CSNK2A1: variants seen among roughly 807,000 people sequenced by gnomAD.
The protein encoded by CSNK2A1 is casein kinase 2 alpha 1.
CSNK2A1 carries 10 observed loss-of-function variants against 62.9 expected under a neutral mutation model. The ratio of observed to expected loss-of-function variants is 0.16; its 90% confidence interval spans 0.10 to 0.27. The LOEUF is 0.27. Among genes scored for constraint, CSNK2A1 ranks in the 10% least tolerant of loss-of-function variants. CSNK2A1 has a pLI of 1.00. For synonymous variants in CSNK2A1, 124 were observed against 167.8 expected, an observed-to-expected ratio of 0.74 and a Z score of 2.02; for missense variants, 160 against 492.0, an observed-to-expected ratio of 0.33 and a Z score of 6.38.
At chr20:492,147 G>T in intron 9 of CSNK2A1, 107 bp downstream of exon 9, 1 of 773,626 alleles carries the variant, frequency 1.3e-6, no homozygotes, top group Non-Finnish European at 2.1e-6. Context: ...CTGTGAATGT[G>T]CATTAAGTGG....
chr20:514,541 G>A lies in CSNK2A1; in HGVS notation c.-109-5881C>T, dbSNP rs188878887. On this transcript the variant is annotated intron_variant, in intron 2 of 13. Coordinates refer to ENST00000217244, the MANE Select transcript of CSNK2A1 (RefSeq NM_177559.3). ...AACCTCCACCTCATCTCCTGGGCTT[G>A]AGCAATCCTCCCACCTCAGCCTCCT... 2.6e-3 allele frequency among the ~76,000 whole-genome samples: 388 copies of A among 151,968 alleles called. 1 individual carries two copies. Among genetic ancestry groups the A allele is most frequent in the African/African-American group, 9.0e-3 (372 of 41,470 alleles).
intron 4 of CSNK2A1, chr20:501,628 T>C (rs1168994023): frequency 1.3e-5 from 2 of 152,200 alleles, no homozygotes; most frequent in Non-Finnish European, 2.9e-5. Flanking sequence ...AGCCCAGCCA[T>C]ATTTCAAGTG....
At position 473,227 on chromosome 20, in the gene CSNK2A1, C is replaced by A. The variant is rs191762476; in HGVS notation, c.*10734G>T. ...GGGTCTTCTTCCCATACTCTTGTCT[C>A]TCTCCTGTAACATTTTTACTTCTAA... On this transcript the variant is annotated 3_prime_UTR_variant, in exon 14 of 14. Coordinates refer to ENST00000217244, the MANE Select transcript of CSNK2A1 (RefSeq NM_177559.3). 0.15 allele frequency: 22,488 copies of A among 152,316 alleles called. 2,196 individuals carry two copies. Among genetic ancestry groups the A allele is most frequent in the African/African-American group, 0.28 (11,746 of 41,414 alleles). 9.4% of individuals were successfully genotyped at this position (152,316 alleles called of 1,614,324 possible).
In CSNK2A1 at chr20:536,490, CAA is replaced by C. The variant is rs1393916933; in HGVS notation, c.-227+7180_-227+7181del. Reference sequence around the variant, plus strand: ...ATTCCCATGTTACAGGTGAAGAAACCAAAAGTTAGTAAGTTGCCCAAGGTAGT... The same window carrying C: ...ATTCCCATGTTACAGGTGAAGAAACCAAGTTAGTAAGTTGCCCAAGGTAGT... On this transcript the variant is annotated intron_variant, in intron 1 of 13. Transcript: ENST00000217244. 6.6e-5 allele frequency among the ~76,000 whole-genome samples: 10 copies of C among 152,124 alleles called. No individual in the cohort carries two copies. In the South Asian group the frequency reaches 2.1e-3, roughly 32 times the overall value.
At position 475,015 on chromosome 20, in the gene CSNK2A1, A is replaced by T. The variant is rs998068752; in HGVS notation, c.*8946T>A. On this transcript the variant is annotated 3_prime_UTR_variant, in exon 14 of 14. Transcript: ENST00000217244. ...TAAATGGAGAGTTTAACAAATAATT[A>T]TAGAGCAAATACAACATTTAGGTAC... 3 of 152,210 alleles carry T rather than the reference A, an allele frequency of 2.0e-5. No individual in the cohort carries two copies. The highest frequency in any genetic ancestry group is 7.2e-5 in the African/African-American group (3 of 41,444). The allele number at this position is 152,210 out of a possible 1,614,324, so 9.4% of individuals were successfully genotyped here. A position where few individuals can be genotyped will look rare whatever the true frequency, so the allele number is the denominator to read the frequency against.
intron 2 of CSNK2A1, among the ~76,000 whole-genome samples, chr20:518,801 C>T (rs1333869542): frequency 1.3e-5 from 2 of 151,424 alleles, no homozygotes; most frequent in African/African-American, 2.4e-5. Context: ...GTGATCCACC[C>T]GCCTTGGCCT....
At chr20:508,366 G>A (rs534401855) in intron 3 of CSNK2A1, 85 bp downstream of exon 3, 8 of 1,450,006 alleles carry the variant, frequency 5.5e-6, no homozygotes, top group Admixed American at 1.9e-5. Flanking sequence ...ACAGAGTCAC[G>A]GAGGTTTTCT....
At chr20:524,313 C>T (rs1266212874) in intron 2 of CSNK2A1, among the ~76,000 whole-genome samples, 1 of 150,196 alleles carries the variant, frequency 6.7e-6, no homozygotes, top group Non-Finnish European at 1.5e-5. Context: ...GTCCCAGCTG[C>T]TCTTAGAGGC....
chr20:490,178 C>T lies in CSNK2A1; in HGVS notation c.622-297G>A, dbSNP rs540912781. Among the ~76,000 whole-genome samples, 13 of 150,104 alleles carry T rather than the reference C, an allele frequency of 8.7e-5. No homozygotes were observed. In the East Asian group the frequency reaches 1.8e-3, roughly 20 times the overall value. Reference sequence around the variant, plus strand: ...TCCTGACTAGCTGGGACTACAGGCGCGTGCCACCATGCCTGGCTAATTTTG... The same window carrying T: ...TCCTGACTAGCTGGGACTACAGGCGTGTGCCACCATGCCTGGCTAATTTTG... On this transcript the variant is annotated intron_variant, in intron 9 of 13. Transcript: ENST00000217244.
intron 12 of CSNK2A1, chr20:487,192 C>A (rs933693803): frequency 1.7e-6 from 1 of 574,084 alleles, no homozygotes. Context: ...GAAGTGTCAT[C>A]CTCACAGTAT....
rs184344545 is a variant in CSNK2A1 at position 475,150 on chromosome 20, C to T, written c.*8811G>A. 1.9e-3 allele frequency: 292 copies of T among 152,212 alleles called. No individual in the cohort carries two copies. The highest frequency in any genetic ancestry group is 3.1e-3 in the Non-Finnish European group (210 of 68,022). 9.4% of individuals were successfully genotyped at this position (152,212 alleles called of 1,614,324 possible). The stretch of plus-strand genomic sequence containing the variant: ...AAAGACTGATTCTCAATTTTTGTTG[C>T]TTGAAAACAAGTAAACAAGTATTCT... On this transcript the variant is annotated 3_prime_UTR_variant, in exon 14 of 14. Transcript: ENST00000217244.
At chr20:533,345 G>A (rs1886054881) in intron 1 of CSNK2A1, among the ~76,000 whole-genome samples, 1 of 152,226 alleles carries the variant, frequency 6.6e-6, no homozygotes. Flanking sequence ...TAAACTTGCA[G>A]AATATTTAAC....
intron 1 of CSNK2A1, among the ~76,000 whole-genome samples, chr20:533,590 G>A (rs750270585): frequency 2.6e-5 from 4 of 152,154 alleles, no homozygotes; most frequent in Admixed American, 6.5e-5. Context: ...GTGACAGAGC[G>A]AGACGCTGTC....
intron 2 of CSNK2A1, among the ~76,000 whole-genome samples, chr20:521,573 G>A (rs1243869081): frequency 3.3e-5 from 5 of 152,056 alleles, no homozygotes; most frequent in East Asian, 1.9e-4. Context: ...CAAGAGAAAC[G>A]GAAACCCGTA....
Position 476,897 on chromosome 20 carries a change from C to T in CSNK2A1, c.*7064G>A, listed in dbSNP as rs1251857432. The T allele has an allele frequency of 6.6e-6, 1 of 152,144 alleles. No individual in the cohort carries two copies. The highest frequency in any genetic ancestry group is 2.4e-5 in the African/African-American group (1 of 41,402). 9.4% of individuals were successfully genotyped at this position (152,144 alleles called of 1,614,324 possible). A position where few individuals can be genotyped will look rare whatever the true frequency, so the allele number is the denominator to read the frequency against. Reference sequence around the variant, plus strand: ...GTTAAATCTTTTTTTCAATTAATAACAACTTCTTTTACAGACAGGGTCTCA... The same window carrying T: ...GTTAAATCTTTTTTTCAATTAATAATAACTTCTTTTACAGACAGGGTCTCA... On this transcript the variant is annotated 3_prime_UTR_variant, in exon 14 of 14. Coordinates refer to ENST00000217244, the MANE Select transcript of CSNK2A1 (RefSeq NM_177559.3).
intron 13 of CSNK2A1, 90 bp downstream of exon 13, chr20:486,286 A>G: frequency 2.7e-6 from 4 of 1,470,936 alleles, no homozygotes; most frequent in Non-Finnish European, 3.7e-6. Flanking sequence ...CAGTACGGAG[A>G]AGAGAAGGTA....
intron 8 of CSNK2A1, among the ~76,000 whole-genome samples, chr20:493,587 A>G (rs1249243860): frequency 6.6e-6 from 1 of 152,230 alleles, no homozygotes; most frequent in Non-Finnish European, 1.5e-5. Flanking sequence ...TAACTACAGT[A>G]CAATATCAAA....
rs780758663 is a variant in CSNK2A1, at chr20:473,868, G to A, written c.*10093C>T. ...GACCTTTTCCAGAAGACCTCTCCCT[G>A]TGTATCCACTTCTAAACCAGTCACA... On this transcript the variant is annotated 3_prime_UTR_variant, in exon 14 of 14. Coordinates refer to ENST00000217244, the MANE Select transcript of CSNK2A1 (RefSeq NM_177559.3). 6.6e-6 allele frequency: 1 copy of A among 152,112 alleles called. No homozygotes were observed. Among genetic ancestry groups the A allele is most frequent in the Non-Finnish European group, 1.5e-5 (1 of 68,050 alleles). 9.4% of individuals were successfully genotyped at this position (152,112 alleles called of 1,614,324 possible). A position where few individuals can be genotyped will look rare whatever the true frequency, so the allele number is the denominator to read the frequency against.
At chr20:495,647 G>A in intron 8 of CSNK2A1, 72 bp downstream of exon 8, 1 of 1,313,370 alleles carries the variant, frequency 7.6e-7, no homozygotes. Flanking sequence ...ACAACACAAG[G>A]GATAAAGTGT....
Sources: gnomAD v4.1 joint callset for allele counts (sites outside exome capture counted in the v4.1 genomes callset) on GRCh38, gnomAD v4.1.1 for gene constraint, MANE v1.5 for transcripts, NCBI Gene and HGNC (gene_info 2026-07-23, HGNC 2026-07-21) for gene names.